The following ZFPM2 variants were observed in gnomAD, a reference collection of about 807,000 sequenced individuals.
The protein encoded by ZFPM2 is zinc finger protein, FOG family member 2, also known as zinc finger protein ZFPM2.
Under a neutral mutation model 98.6 loss-of-function variants are expected in ZFPM2, and 20 were observed. That is an observed-to-expected ratio of 0.20 (90% CI 0.14 to 0.29). The LOEUF is 0.29. ZFPM2 is among the 10% of genes least tolerant of loss of function. The pLI is 1.00. For missense variants in ZFPM2, 1,310 were observed against 1,388.6 expected (o/e 0.94, Z 0.90); for synonymous variants, 518 against 502.7 (o/e 1.03, Z -0.41).
intron 3 of ZFPM2, among the ~76,000 whole-genome samples, chr8:105,450,374 G>T (rs561289853): frequency 3.7e-4 from 57 of 152,190 alleles, no homozygotes; most frequent in Middle Eastern, 3.4e-3. Flanking sequence ...GGAAAATGTG[G>T]TAGATATAAG....
intron 3 of ZFPM2, among the ~76,000 whole-genome samples, chr8:105,530,777 A>G (rs1814281260): frequency 6.6e-6 from 1 of 152,148 alleles, no homozygotes; most frequent in South Asian, 2.1e-4. Context: ...AGGAGACACA[A>G]TTCGGTCCAT....
rs773970902 is a variant in ZFPM2, at chr8:105,318,893, C to T, written c.-49C>T. 2.6e-6 allele frequency: 3 copies of T among 1,139,460 alleles called. No homozygotes were observed. Among genetic ancestry groups the T allele is most frequent in the Non-Finnish European group, 3.4e-6 (3 of 875,806 alleles). The allele number at this position is 1,139,460 out of a possible 1,614,324, so 70.6% of individuals were successfully genotyped here. A position where few individuals can be genotyped will look rare whatever the true frequency, so the allele number is the denominator to read the frequency against. ...CGGCGGGAGCCGAGGGAGCGGCAGCCGCGACCGCGGGCACCGCGGGAGCCC... is the reference window on the plus strand; with the variant it reads ...CGGCGGGAGCCGAGGGAGCGGCAGCTGCGACCGCGGGCACCGCGGGAGCCC... On this transcript the variant is annotated 5_prime_UTR_variant, in exon 1 of 8. Transcript: ENST00000407775.
chr8:105,691,847 G>C (rs1810893223), intron 5 of ZFPM2, among the ~76,000 whole-genome samples: 1 of 152,128 alleles, frequency 6.6e-6, no homozygotes, highest in Non-Finnish European at 1.5e-5. Flanking sequence ...CGCTCCTTTA[G>C]AGTTTATCTC....
At chr8:105,463,527 A>G (rs1166626995) in intron 3 of ZFPM2, among the ~76,000 whole-genome samples, 3 of 152,040 alleles carry the variant, frequency 2.0e-5, no homozygotes, top group African/African-American at 4.8e-5. Flanking sequence ...AAAACTTGCA[A>G]TTGAAGAAGA....
At chr8:105,639,918 G>C (rs1472364890) in intron 5 of ZFPM2, among the ~76,000 whole-genome samples, 8 of 151,878 alleles carry the variant, frequency 5.3e-5, no homozygotes, top group Admixed American at 5.3e-4. Flanking sequence ...TCTTGGGCAC[G>C]TGATACTTTT....
intron 4 of ZFPM2, among the ~76,000 whole-genome samples, chr8:105,608,149 AAAG>A (rs1483647756): frequency 6.6e-6 from 1 of 152,078 alleles, no homozygotes; most frequent in African/African-American, 2.4e-5. Context: ...TTGTGAACAC[AAAG>A]AAGGACGGAC....
At chr8:105,794,642 G>T in intron 6 of ZFPM2, among the ~76,000 whole-genome samples, 1 of 152,232 alleles carries the variant, frequency 6.6e-6, no homozygotes, top group Non-Finnish European at 1.5e-5. Context: ...GTCTGCAGAG[G>T]TTACTGCTGT....
At chr8:105,385,499 T>C (rs1391460861) in intron 1 of ZFPM2, among the ~76,000 whole-genome samples, 1 of 152,212 alleles carries the variant, frequency 6.6e-6, no homozygotes, top group East Asian at 1.9e-4. Flanking sequence ...ATGGCCTGTG[T>C]TGTGTGTGCT....
intron 3 of ZFPM2, among the ~76,000 whole-genome samples, chr8:105,468,756 C>T (rs1812841436): frequency 6.6e-6 from 1 of 152,176 alleles, no homozygotes; most frequent in Admixed American, 6.6e-5. Context: ...CTCAGGCAAT[C>T]CTCTCAACAA....
intron 6 of ZFPM2, 164 bp downstream of exon 6, chr8:105,789,088 A>AC: frequency 1.6e-6 from 1 of 617,968 alleles, no homozygotes; most frequent in South Asian, 3.1e-5. Flanking sequence ...AAATGATGTT[A>AC]CTTTTTTTTT....
intron 5 of ZFPM2, among the ~76,000 whole-genome samples, chr8:105,660,470 T>C (rs1476443992): frequency 2.0e-5 from 3 of 152,122 alleles, no homozygotes; most frequent in Non-Finnish European, 2.9e-5. Context: ...CACCAATGGA[T>C]TAAAGCAAGA....
At chr8:105,638,088 G>A (rs1475784681) in intron 5 of ZFPM2, among the ~76,000 whole-genome samples, 5 of 151,868 alleles carry the variant, frequency 3.3e-5, no homozygotes, top group Admixed American at 2.6e-4. Context: ...TCTCTCTATC[G>A]TCTGGCTCTT....
intron 4 of ZFPM2, among the ~76,000 whole-genome samples, chr8:105,620,836 G>C (rs1816524270): frequency 1.3e-5 from 2 of 152,110 alleles, no homozygotes; most frequent in South Asian, 4.1e-4. Context: ...AAGATCAGAT[G>C]GTTGTAGATG....
Position 105,341,137 on chromosome 8 carries a change from A to G in ZFPM2, c.40+22156A>G, listed in dbSNP as rs374618588. On this transcript the variant is annotated intron_variant, in intron 1 of 7. Coordinates refer to ENST00000407775, the MANE Select transcript of ZFPM2 (RefSeq NM_012082.4). The stretch of plus-strand genomic sequence containing the variant: ...GTGTCAGAAATGGAGTTAAGTTGGG[A>G]TAATGTAGTTACTAAGGTAGGTATA... Among the ~76,000 whole-genome samples the G allele has an allele frequency of 2.0e-5, 3 of 152,038 alleles. No homozygotes were observed. In the South Asian group the frequency reaches 6.2e-4, roughly 31 times the overall value.
intron 1 of ZFPM2, among the ~76,000 whole-genome samples, chr8:105,389,029 T>G (rs1811056354): frequency 6.8e-6 from 1 of 147,404 alleles, no homozygotes; most frequent in Non-Finnish European, 1.5e-5. Flanking sequence ...TGTGTGTGTG[T>G]GTGTGTGTGT....
At chr8:105,765,383 G>C (rs1049651834) in intron 5 of ZFPM2, among the ~76,000 whole-genome samples, 5 of 151,724 alleles carry the variant, frequency 3.3e-5, no homozygotes, top group African/African-American at 4.8e-5. Flanking sequence ...CTTCAGTTCT[G>C]CATTTAGCCA....
At chr8:105,613,029 A>G (rs1447191224) in intron 4 of ZFPM2, among the ~76,000 whole-genome samples, 5 of 152,214 alleles carry the variant, frequency 3.3e-5, no homozygotes, top group East Asian at 1.9e-4. Flanking sequence ...GCCTTTGTCC[A>G]TAGTAGGTGA....
chr8:105,482,380 T>A (rs1328195636), intron 3 of ZFPM2, among the ~76,000 whole-genome samples: 2 of 152,150 alleles, frequency 1.3e-5, no homozygotes, highest in East Asian at 1.9e-4. Context: ...GGCAGATTTT[T>A]AAAAAATTAA....
chr8:105,455,491 C>T (rs1171116404), intron 3 of ZFPM2, among the ~76,000 whole-genome samples: 1 of 151,912 alleles, frequency 6.6e-6, no homozygotes, highest in Non-Finnish European at 1.5e-5. Flanking sequence ...GGTTCAGATT[C>T]TTCAGTGCCT....
Sources: gnomAD v4.1 joint callset for allele counts (sites outside exome capture counted in the v4.1 genomes callset) on GRCh38, gnomAD v4.1.1 for gene constraint, MANE v1.5 for transcripts, NCBI Gene and HGNC (gene_info 2026-07-23, HGNC 2026-07-21) for gene names.